ZYG11A: variants seen among roughly 807,000 people sequenced by gnomAD.
ZYG11A encodes zyg-11 family member A, cell cycle regulator.
A neutral mutation model predicts 77.2 loss-of-function variants in ZYG11A; 62 were observed. The ratio of observed to expected loss-of-function variants is 0.80; its 90% CI spans 0.65 to 0.99. ZYG11A has a LOEUF of 0.99. Among genes scored for constraint, ZYG11A ranks in the 50% least tolerant of loss-of-function variants. ZYG11A has a pLI of 0.00. For synonymous variants in ZYG11A, 315 were observed against 324.6 expected (o/e 0.97, Z 0.32); for missense variants, 828 against 896.8 (o/e 0.92, Z 0.98).
intron 13 of ZYG11A, among the ~76,000 whole-genome samples, chr1:52,890,001 C>T (rs185860350): frequency 9.3e-5 from 14 of 150,832 alleles, no homozygotes; most frequent in South Asian, 2.1e-4. Flanking sequence ...GCGTGAGCCA[C>T]GGCGCCTGGC....
chr1:52,861,713 A>G (rs1349087940), intron 4 of ZYG11A, among the ~76,000 whole-genome samples: 1 of 151,852 alleles, frequency 6.6e-6, no homozygotes, highest in Non-Finnish European at 1.5e-5. Context: ...AAATATTTTT[A>G]CAGCATGGGA....
Position 52,867,621 on chromosome 1 carries a change from T to C in ZYG11A, c.1474T>C (p.Ser492Pro). Reference protein sequence around the residue: ...KMQTMAVSVTSILALQLSPEQ... With the variant: ...KMQTMAVSVTPILALQLSPEQ... The stretch of plus-strand genomic sequence containing the variant: ...GCAAACAATGGCAGTGAGTGTCACC[T>C]CTATTCTGGCTCTGCAGGTTTGTGA... Residue 492 changes from serine to proline, a missense_variant, in exon 7 of 14, where the codon TCT becomes CCT. Ser to Pro is a moderately conservative substitution (Grantham distance 74). Coordinates refer to ENST00000371528, the MANE Select transcript of ZYG11A (RefSeq NM_001004339.3). 6.4e-7 allele frequency: 1 copy of C among 1,552,194 alleles called. No individual in the cohort carries two copies. Among genetic ancestry groups the C allele is most frequent in the Non-Finnish European group, 8.7e-7 (1 of 1,147,026 alleles).
chr1:52,872,605 G>T (rs1646187058), intron 8 of ZYG11A, among the ~76,000 whole-genome samples: 1 of 150,590 alleles, frequency 6.6e-6, no homozygotes, highest in South Asian at 2.1e-4. Flanking sequence ...TTGTGGCCAG[G>T]TGTGGTGGCT....
At position 52,893,829 on chromosome 1, in the gene ZYG11A, T is replaced by TG. The variant is rs1646584288; in HGVS notation, c.*873dup. On this transcript the variant is annotated 3_prime_UTR_variant, in exon 14 of 14. Transcript: ENST00000371528. ...TTACCTTTTTTTTTTTTTTTTTTTT[T>TG]GTGACGGAATCTCGCTCTGTCGCCC... 1 of 137,530 alleles carries TG rather than the reference T, an allele frequency of 7.3e-6. No individual in the cohort carries two copies. The highest frequency in any genetic ancestry group is 7.0e-5 in the Admixed American group (1 of 14,190). The allele number at this position is 137,530 out of a possible 1,614,324, so 8.5% of individuals were successfully genotyped here. A position where few individuals can be genotyped will look rare whatever the true frequency, so the allele number is the denominator to read the frequency against.
At chr1:52,877,277 T>C (rs1391837751) in intron 8 of ZYG11A, among the ~76,000 whole-genome samples, 1 of 152,188 alleles carries the variant, frequency 6.6e-6, no homozygotes, top group Non-Finnish European at 1.5e-5. Context: ...TGTGTTTTCA[T>C]CAGACAACCA....
At chr1:52,892,392 G>T (rs371286977) in intron 13 of ZYG11A, among the ~76,000 whole-genome samples, 3 of 151,226 alleles carry the variant, frequency 2.0e-5, no homozygotes, top group Non-Finnish European at 2.9e-5. Flanking sequence ...GCCGGGCGTG[G>T]TGGGGCATGC....
At chr1:52,885,938 T>G (rs752292504) in intron 12 of ZYG11A, 44 bp downstream of exon 12, 396 of 1,426,344 alleles carry the variant, frequency 2.8e-4, no homozygotes, top group Non-Finnish European at 3.5e-4. Flanking sequence ...TTTTTCTTCT[T>G]TTTTTTATTT....
intron 1 of ZYG11A, among the ~76,000 whole-genome samples, chr1:52,851,985 G>C (rs1645722328): frequency 6.6e-6 from 1 of 151,048 alleles, no homozygotes; most frequent in African/African-American, 2.4e-5. Context: ...CACAATCTTG[G>C]CTCGCTGCAA....
At chr1:52,854,729 C>T (rs940875360) in intron 2 of ZYG11A, 99 bp downstream of exon 2, 8 of 1,219,032 alleles carry the variant, frequency 6.6e-6, no homozygotes, top group Non-Finnish European at 8.7e-6. Flanking sequence ...CAAAGTATTT[C>T]CATTTCATTT....
chr1:52,877,556 C>A, intron 8 of ZYG11A, 126 bp from the exon 9 acceptor site: 1 of 667,438 alleles, frequency 1.5e-6, no homozygotes, highest in Non-Finnish European at 2.5e-6. Flanking sequence ...ATAGATCACA[C>A]AGCTACTAAG....
At chr1:52,879,747 C>CTCAT (rs1646329201) in intron 10 of ZYG11A, among the ~76,000 whole-genome samples, 1 of 142,980 alleles carries the variant, frequency 7.0e-6, no homozygotes. Context: ...TTCCACTTTT[C>CTCAT]TTATTTATTT....
In ZYG11A at chr1:52,872,505, A is replaced by G. The variant is rs150482386; in HGVS notation, c.1542+4728A>G. Among the ~76,000 whole-genome samples the G allele has an allele frequency of 8.5e-5, 13 of 152,268 alleles. No individual in the cohort carries two copies. In the East Asian group the frequency reaches 2.5e-3, roughly 29 times the overall value. On this transcript the variant is annotated intron_variant, in intron 8 of 13. Transcript: ENST00000371528. ...GGAAGTTAATATTTTCCTGCTTGTT[A>G]TACGATATCCATTCTGCAGCCCATA... is the stretch of plus-strand genomic sequence containing the variant.
intron 10 of ZYG11A, among the ~76,000 whole-genome samples, chr1:52,878,950 A>G (rs1646311197): frequency 1.7e-5 from 1 of 58,396 alleles, no homozygotes; most frequent in Non-Finnish European, 3.3e-5. Context: ...AACTCTGCTC[A>G]AAAAAAAAAA....
chr1:52,867,919 A>T, intron 8 of ZYG11A, 142 bp downstream of exon 8: 1 of 558,974 alleles, frequency 1.8e-6, no homozygotes, highest in South Asian at 2.7e-5. Flanking sequence ...AAACTTTCTA[A>T]TTTTGTAGCT....
chr1:52,858,170 G>A (rs1645854172), intron 3 of ZYG11A, among the ~76,000 whole-genome samples: 1 of 149,764 alleles, frequency 6.7e-6, no homozygotes, highest in Non-Finnish European at 1.5e-5. Context: ...GCCAAGGCGG[G>A]CAGATCACTT....
chr1:52,861,537 C>T (rs1230127435), intron 4 of ZYG11A, among the ~76,000 whole-genome samples: 1 of 152,046 alleles, frequency 6.6e-6, no homozygotes, highest in Non-Finnish European at 1.5e-5. Context: ...CCCGTCTCCA[C>T]TAAAAACAAT....
chr1:52,867,769 G>T lies in ZYG11A; in HGVS notation c.1534G>T (p.Ala512Ser). 6.4e-7 allele frequency: 1 copy of T among 1,551,102 alleles called. No homozygotes were observed. Among genetic ancestry groups the T allele is most frequent in the African/African-American group, 1.4e-5 (1 of 73,006 alleles). The change falls in exon 8 of 14, where the codon GCA (alanine) becomes TCA (serine). Residue 512 changes from alanine (A) to serine (S), a missense_variant. Ala to Ser is a moderately conservative substitution (Grantham distance 99, BLOSUM62 1). Transcript: ENST00000371528. ...GGCACAGCTTGAAGAGCTTTTCATG[G>T]CAGTTAAGGTAGGTTCCTTGTCATG... is the stretch of plus-strand genomic sequence containing the variant. ...QTAQLEELFMAVKELLAIVKQ... is the reference protein window; with the variant it reads ...QTAQLEELFMSVKELLAIVKQ...
chr1:52,885,755 G>A (rs1158152027), intron 11 of ZYG11A, 78 bp from the exon 12 acceptor site: 23 of 1,103,692 alleles, frequency 2.1e-5, no homozygotes, highest in South Asian at 8.9e-5. Context: ...TTGTTCAATC[G>A]TTCCCAGATT....
At chr1:52,850,342 G>T (rs1387151313) in intron 1 of ZYG11A, among the ~76,000 whole-genome samples, 6 of 146,468 alleles carry the variant, frequency 4.1e-5, no homozygotes, top group Non-Finnish European at 9.0e-5. Context: ...TTTTTGAGAT[G>T]GAGTCTCATT....
Sources: allele counts gnomAD v4.1 joint callset (sites outside exome capture counted in the v4.1 genomes callset), GRCh38; gene constraint gnomAD v4.1.1; transcripts MANE v1.5; gene names NCBI Gene and HGNC (gene_info 2026-07-23, HGNC 2026-07-21).